Variants in EEFSEC observed in about 807,000 individuals in gnomAD.
The protein encoded by EEFSEC is selenocysteine-specific elongation factor.
A neutral mutation model predicts 42.1 loss-of-function variants in EEFSEC; 43 were observed. The ratio of observed to expected loss-of-function variants is 1.02; its 90% CI spans 0.80 to 1.32. The LOEUF (loss-of-function observed/expected upper bound fraction) is 1.32. Ranked by LOEUF, EEFSEC falls within the 40% of genes most tolerant of loss-of-function variation. The pLI, the probability that EEFSEC is intolerant of heterozygous loss-of-function variation, is 0.00. For missense variants in EEFSEC, 745 were observed against 803.6 expected (o/e 0.93, Z 0.88); for synonymous variants, 354 against 339.1 (o/e 1.04, Z -0.48).
At chr3:128,353,510 G>C (rs746691188) in intron 5 of EEFSEC, among the ~76,000 whole-genome samples, 1 of 152,228 alleles carries the variant, frequency 6.6e-6, no homozygotes, top group Non-Finnish European at 1.5e-5. Flanking sequence ...CCTGAACTTG[G>C]GGATTGTCTT....
At chr3:128,395,422 T>TTCCTCC (rs1259032710) in intron 6 of EEFSEC, among the ~76,000 whole-genome samples, 1 of 152,178 alleles carries the variant, frequency 6.6e-6, no homozygotes, top group South Asian at 2.1e-4. Flanking sequence ...CCCAGCTTCC[T>TTCCTCC]TCCTCCTCCT....
chr3:128,364,531 G>A (rs2067565765), intron 6 of EEFSEC, among the ~76,000 whole-genome samples: 1 of 152,226 alleles, frequency 6.6e-6, no homozygotes, highest in African/African-American at 2.4e-5. Flanking sequence ...CCAGGACAGT[G>A]GAAAGACCAT....
At chr3:128,350,004 T>C (rs112523220) in intron 5 of EEFSEC, among the ~76,000 whole-genome samples, 2,604 of 152,328 alleles carry the variant, frequency 0.017, 77 homozygotes, top group African/African-American at 0.058. Context: ...TAAGGCCAGG[T>C]GTGCCAGCCA....
intron 6 of EEFSEC, among the ~76,000 whole-genome samples, chr3:128,405,684 T>C (rs1246592801): frequency 6.6e-6 from 1 of 152,238 alleles, no homozygotes; most frequent in African/African-American, 2.4e-5. Flanking sequence ...CTGCCTTGAC[T>C]TTTCAGGGAC....
intron 6 of EEFSEC, 72 bp downstream of exon 6, chr3:128,358,445 A>G (rs1320875785): frequency 1.9e-6 from 3 of 1,571,300 alleles, no homozygotes; most frequent in Non-Finnish European, 2.6e-6. Flanking sequence ...GGTGATGCCA[A>G]GGTGGCGCTC....
chr3:128,225,650 GGAGGACA>G (rs2065900702), intron 1 of EEFSEC, among the ~76,000 whole-genome samples: 1 of 152,240 alleles, frequency 6.6e-6, no homozygotes, highest in Non-Finnish European at 1.5e-5. Context: ...CTGCCAGGGA[GGAGGACA>G]GAGCACCAGC....
At chr3:128,201,859 A>G (rs184495633) in intron 1 of EEFSEC, among the ~76,000 whole-genome samples, 10 of 152,220 alleles carry the variant, frequency 6.6e-5, no homozygotes, top group African/African-American at 2.2e-4. Flanking sequence ...CCTGTAATCT[A>G]TCTTGAATTA....
At chr3:128,278,004 A>T (rs764865015) in intron 4 of EEFSEC, among the ~76,000 whole-genome samples, 1 of 152,236 alleles carries the variant, frequency 6.6e-6, no homozygotes, top group Non-Finnish European at 1.5e-5. Flanking sequence ...TGGAGCCCAG[A>T]GACAAATGTG....
chr3:128,411,213 C>T (rs1287741550), downstream of EEFSEC, among the ~76,000 whole-genome samples: 4 of 152,228 alleles, frequency 2.6e-5, no homozygotes, highest in African/African-American at 9.6e-5. Flanking sequence ...TGCACGTCCC[C>T]TTCCCTGGCT....
At chr3:128,182,883 C>A (rs2955122) in intron 1 of EEFSEC, among the ~76,000 whole-genome samples, 11 of 17,990 alleles carry the variant, frequency 6.1e-4, no homozygotes, top group East Asian at 1.8e-3. Flanking sequence ...GAGATCGGGG[C>A]GGGGGGGTGG....
At chr3:128,330,087 T>C (rs1011400258) in intron 4 of EEFSEC, among the ~76,000 whole-genome samples, 2 of 152,232 alleles carry the variant, frequency 1.3e-5, no homozygotes, top group Admixed American at 6.5e-5. Context: ...CCCAGTTGTA[T>C]AGAAAACAGA....
the EEFSEC span, among the ~76,000 whole-genome samples, chr3:128,414,049 A>C: frequency 6.6e-6 from 1 of 152,358 alleles, no homozygotes; most frequent in South Asian, 2.1e-4. Context: ...CTTCACTGCC[A>C]TCTGCCATCA....
chr3:128,270,953 C>T (rs905682946), intron 4 of EEFSEC, among the ~76,000 whole-genome samples: 60 of 152,168 alleles, frequency 3.9e-4, no homozygotes, highest in African/African-American at 1.4e-3. Flanking sequence ...GAGTCTCCTC[C>T]ATCTTTGTAT....
At chr3:128,162,564 TG>T (rs1382842953) in intron 1 of EEFSEC, among the ~76,000 whole-genome samples, 1 of 152,192 alleles carries the variant, frequency 6.6e-6, no homozygotes, top group Non-Finnish European at 1.5e-5. Flanking sequence ...TGCTTTAGCT[TG>T]GGTGACAGTG....
rs2066145189 is a variant in EEFSEC at position 128,247,973 on chromosome 3, G to T, written c.524+930G>T. On this transcript the variant is annotated intron_variant, in intron 2 of 6. Coordinates refer to ENST00000254730, the MANE Select transcript of EEFSEC (RefSeq NM_021937.5). ...CGCCTGGATCACAGTAAGTGTGGAA[G>T]AAAGCTGGCAGTGCTACCTAGAAGG... 2.6e-5 allele frequency among the ~76,000 whole-genome samples: 4 copies of T among 152,222 alleles called. No individual in the cohort carries two copies. In the South Asian group the frequency reaches 8.3e-4, roughly 32 times the overall value.
At chr3:128,249,280 G>C (rs2066159295) in intron 2 of EEFSEC, among the ~76,000 whole-genome samples, 1 of 152,182 alleles carries the variant, frequency 6.6e-6, no homozygotes, top group Non-Finnish European at 1.5e-5. Context: ...ATAGAGAAAA[G>C]TAGTTAAAAG....
At chr3:128,182,925 T>C (rs2065427327) in intron 1 of EEFSEC, among the ~76,000 whole-genome samples, 2 of 149,716 alleles carry the variant, frequency 1.3e-5, no homozygotes, top group East Asian at 3.9e-4. Context: ...GGTGGGCGGG[T>C]TGCCAGAGAG....
At chr3:128,293,608 C>T (rs1043739350) in intron 4 of EEFSEC, among the ~76,000 whole-genome samples, 6 of 148,008 alleles carry the variant, frequency 4.1e-5, no homozygotes, top group Non-Finnish European at 8.9e-5. Context: ...ATGCAGTGAG[C>T]TGAGATCACG....
In EEFSEC at chr3:128,358,296, T is replaced by C; in HGVS notation, c.1523T>C (p.Val508Ala). 2 of 1,614,232 alleles carry C rather than the reference T, an allele frequency of 1.2e-6. No individual in the cohort carries two copies. The highest frequency in any genetic ancestry group is 3.3e-4 in the Middle Eastern group (2 of 6,062). ...ATCCAGCTCTTCGTGGGGCTCAAGGTGCACTTGTCCACTGGGGAACTGGGC... is the reference window on the plus strand; with the variant it reads ...ATCCAGCTCTTCGTGGGGCTCAAGGCGCACTTGTCCACTGGGGAACTGGGC... ...TNIQLFVGLK[V>A]HLSTGELGII... The change falls in exon 6 of 7, where the codon GTG becomes GCG. Residue 508 changes from valine to alanine, a missense_variant. By Grantham distance (64) the Val-to-Ala change is moderately conservative. Coordinates refer to ENST00000254730, the MANE Select transcript of EEFSEC (RefSeq NM_021937.5).
Sources: gnomAD v4.1 joint callset for allele counts (sites outside exome capture counted in the v4.1 genomes callset) on GRCh38, gnomAD v4.1.1 for gene constraint, MANE v1.5 for transcripts, NCBI Gene and HGNC (gene_info 2026-07-23, HGNC 2026-07-21) for gene names.